Variants in HS6ST1 observed in about 807,000 individuals in gnomAD.
The protein encoded by HS6ST1 is heparan-sulfate 6-O-sulfotransferase 1.
HS6ST1 carries 3 observed loss-of-function variants against 25.2 expected under a neutral mutation model. The observed-to-expected ratio is 0.12, with a 90% CI of 0.05 to 0.31. The LOEUF (loss-of-function observed/expected upper bound fraction) is 0.31, where lower values mean the gene tolerates loss of function less well. Ranked by LOEUF, HS6ST1 falls within the 10% of genes least tolerant of loss-of-function variation. HS6ST1 has a pLI of 1.00. For missense variants in HS6ST1, 310 were observed against 609.6 expected (o/e 0.51, Z 5.18); for synonymous variants, 204 against 275.1 (o/e 0.74, Z 2.56).
At chr2:128,284,902 T>C (rs1168140894) in intron 1 of HS6ST1, among the ~76,000 whole-genome samples, 1 of 152,064 alleles carries the variant, frequency 6.6e-6, no homozygotes, top group African/African-American at 2.4e-5. Context: ...CCCCACCTGG[T>C]GGTTTGGGCC....
intron 1 of HS6ST1, among the ~76,000 whole-genome samples, chr2:128,269,928 G>A (rs143766294): frequency 2.0e-3 from 307 of 152,324 alleles, no homozygotes; most frequent in African/African-American, 6.6e-3. Flanking sequence ...GAGGGACCCC[G>A]GGGAGCACAA....
At chr2:128,313,494 T>C (rs1694320124) in intron 1 of HS6ST1, among the ~76,000 whole-genome samples, 1 of 152,162 alleles carries the variant, frequency 6.6e-6, no homozygotes, top group African/African-American at 2.4e-5. Context: ...ATTTTCCTTT[T>C]CTCCCTCTGC....
intron 1 of HS6ST1, among the ~76,000 whole-genome samples, chr2:128,315,353 G>T (rs922484069): frequency 2.0e-5 from 3 of 151,986 alleles, no homozygotes; most frequent in Admixed American, 6.5e-5. Context: ...GCTGGCAGCC[G>T]GGAAGAGCCC....
intron 1 of HS6ST1, among the ~76,000 whole-genome samples, chr2:128,285,706 C>T (rs534340275): frequency 6.6e-5 from 10 of 152,194 alleles, no homozygotes; most frequent in South Asian, 2.1e-4. Context: ...GGGGTCCATA[C>T]ACTGTCTCCC....
intron 1 of HS6ST1, among the ~76,000 whole-genome samples, chr2:128,314,778 C>T (rs369068117): frequency 2.0e-5 from 3 of 152,312 alleles, no homozygotes; most frequent in South Asian, 4.1e-4. Context: ...GAGCTGGTCC[C>T]GGGTTCCCGG....
intron 1 of HS6ST1, among the ~76,000 whole-genome samples, chr2:128,309,558 C>T (rs1388990643): frequency 6.6e-6 from 1 of 152,260 alleles, no homozygotes; most frequent in African/African-American, 2.4e-5. Flanking sequence ...CCCACGGCCA[C>T]TGACCTCTGT....
intron 1 of HS6ST1, among the ~76,000 whole-genome samples, chr2:128,305,017 G>A (rs1187264211): frequency 6.6e-6 from 1 of 152,230 alleles, no homozygotes; most frequent in Non-Finnish European, 1.5e-5. Context: ...CACAGGGTCA[G>A]TGTCATGCAG....
chr2:128,265,940 G>A lies in HS6ST1; in HGVS notation c.*2222C>T, dbSNP rs1393991894. 34 of 151,768 alleles carry A rather than the reference G, an allele frequency of 2.2e-4. No individual in the cohort carries two copies. The highest frequency in any genetic ancestry group is 8.0e-4 in the African/African-American group (33 of 41,432). The allele number at this position is 151,768 out of a possible 1,614,324, so 9.4% of individuals were successfully genotyped here. A position where few individuals can be genotyped will look rare whatever the true frequency, so the allele number is the denominator to read the frequency against. On this transcript the variant is annotated 3_prime_UTR_variant, in exon 2 of 2. Transcript: ENST00000259241. Reference sequence around the variant, plus strand: ...GTGCCAGGCTGGACACTTGGGGGCTGAGGGCACTGCCAGCTGCCGCCGCCT... The same window carrying A: ...GTGCCAGGCTGGACACTTGGGGGCTAAGGGCACTGCCAGCTGCCGCCGCCT...
chr2:128,282,593 G>A (rs1283919408), intron 1 of HS6ST1, among the ~76,000 whole-genome samples: 4 of 152,368 alleles, frequency 2.6e-5, no homozygotes, highest in African/African-American at 7.2e-5. Context: ...CCCGAGGCAG[G>A]AGGGCATGTC....
intron 1 of HS6ST1, among the ~76,000 whole-genome samples, chr2:128,295,038 G>C (rs1184708566): frequency 6.6e-6 from 1 of 152,204 alleles, no homozygotes; most frequent in Non-Finnish European, 1.5e-5. Flanking sequence ...GCAGGAGTCT[G>C]AAGGCAGAGG....
Sources: allele counts gnomAD v4.1 joint callset (sites outside exome capture counted in the v4.1 genomes callset), GRCh38; gene constraint gnomAD v4.1.1; transcripts MANE v1.5; gene names NCBI Gene and HGNC (gene_info 2026-07-23, HGNC 2026-07-21).